Variants in UPRT observed in about 807,000 individuals in gnomAD.
UPRT encodes the protein RP11-311P8.3.
In UPRT, 5 loss-of-function variants were observed where a neutral mutation model predicts 22.6. The observed-to-expected ratio is 0.22, with a 90% CI of 0.12 to 0.47. The LOEUF is 0.47. UPRT is among the 20% of genes least tolerant of loss of function. The pLI, the probability that UPRT is intolerant of heterozygous loss-of-function variation, is 0.99. For synonymous variants in UPRT, 77 were observed against 87.7 expected (o/e 0.88, Z 0.68); for missense variants, 181 against 239.9 (o/e 0.75, Z 1.62).
chrX:75,211,250 C>T (rs1168799938), intron 4 of UPRT, among the ~76,000 whole-genome samples: 4 of 110,749 alleles, frequency 3.6e-5, no homozygotes, highest in Non-Finnish European at 5.7e-5. Context: ...AGTGAGTACC[C>T]GAATTCCTCC....
intron 3 of UPRT, among the ~76,000 whole-genome samples, chrX:75,165,045 CT>C (rs757316517): frequency 0.041 from 4,162 of 100,433 alleles, 126 homozygotes; most frequent in African/African-American, 0.1. Flanking sequence ...CAACTTAATC[CT>C]TTTTTTTTTT....
At chrX:75,251,896 G>A (rs1311906399) in intron 4 of UPRT, among the ~76,000 whole-genome samples, 2 of 110,117 alleles carry the variant, frequency 1.8e-5, no homozygotes, top group African/African-American at 6.6e-5. Context: ...AGAGCCCTCA[G>A]AAATAATGCC....
intron 4 of UPRT, among the ~76,000 whole-genome samples, chrX:75,189,910 G>C (rs1228336494): frequency 8.9e-6 from 1 of 111,909 alleles, no homozygotes; most frequent in African/African-American, 3.2e-5. Context: ...ATAGCACTCT[G>C]ATGGGTCTTG....
upstream of UPRT, among the ~76,000 whole-genome samples, chrX:75,272,301 T>TATATATAC: frequency 6.2e-5 from 1 of 16,003 alleles, no homozygotes; most frequent in African/African-American, 7.2e-5. Context: ...TATATATGTG[T>TATATATAC]ATATATATGT....
At chrX:75,270,051 T>G (rs1348959287), upstream of UPRT, among the ~76,000 whole-genome samples, 4 of 110,968 alleles carry the variant, frequency 3.6e-5, no homozygotes, top group Non-Finnish European at 7.6e-5. Context: ...CGTAAATAAA[T>G]TTACAAGAAA....
At chrX:75,186,920 G>A (rs1343661096) in intron 4 of UPRT, among the ~76,000 whole-genome samples, 3 of 111,571 alleles carry the variant, frequency 2.7e-5, no homozygotes. Flanking sequence ...GTGTGTCTCT[G>A]CATGTGAGAT....
intron 2 of UPRT, among the ~76,000 whole-genome samples, chrX:75,293,919 C>T (rs778362707): frequency 9.0e-6 from 1 of 111,359 alleles, no homozygotes; most frequent in South Asian, 3.8e-4. Flanking sequence ...TTTACGGCGG[C>T]AGCAGGGGGA....
At chrX:75,268,690 C>T (rs755637951) in intron 4 of UPRT, among the ~76,000 whole-genome samples, 1 of 57,941 alleles carries the variant, frequency 1.7e-5, no homozygotes, top group Non-Finnish European at 4.2e-5. Flanking sequence ...CAGGGAAGGC[C>T]TTTGATAAAA....
At chrX:75,303,337 A>G in intron 6 of UPRT, 68 bp from the exon 7 acceptor site, 2 of 859,960 alleles carry the variant, frequency 2.3e-6, no homozygotes, top group Non-Finnish European at 3.4e-6. Flanking sequence ...GGCAATAACT[A>G]CAAAATTCCT....
chrX:75,268,664 A>T (rs2082598234), intron 4 of UPRT, among the ~76,000 whole-genome samples: 1 of 107,108 alleles, frequency 9.3e-6, no homozygotes, highest in Non-Finnish European at 1.9e-5. Context: ...AAACCACATG[A>T]TTATCTCAAC....
At chrX:75,165,403 C>G (rs1022559117) in intron 3 of UPRT, among the ~76,000 whole-genome samples, 2 of 111,680 alleles carry the variant, frequency 1.8e-5, no homozygotes, top group South Asian at 7.5e-4. Context: ...AAAGTCAGAT[C>G]TGCCTTTGGG....
At chrX:75,292,983 C>T (rs1159314757) in intron 1 of UPRT, among the ~76,000 whole-genome samples, 1 of 111,412 alleles carries the variant, frequency 9.0e-6, no homozygotes, top group African/African-American at 3.3e-5. Flanking sequence ...AAAGCAGTAG[C>T]AAAAGCAGAG....
chrX:75,256,652 T>A (rs2082550677), intron 4 of UPRT, among the ~76,000 whole-genome samples: 1 of 109,650 alleles, frequency 9.1e-6, no homozygotes, highest in African/African-American at 3.3e-5. Context: ...AAAGAGAAAA[T>A]CCAAATAAAC....
chrX:75,294,934 A>G (rs1481700156), intron 2 of UPRT, among the ~76,000 whole-genome samples: 1 of 111,464 alleles, frequency 9.0e-6, no homozygotes, highest in African/African-American at 3.3e-5. Flanking sequence ...GGGCAAGCAT[A>G]ATCTTAGCCC....
rs180950514 is a variant in UPRT at position 75,229,975 on chromosome X, A to T, written c.-446-61049A>T. Among the ~76,000 whole-genome samples, 18 of 112,308 alleles carry T rather than the reference A, an allele frequency of 1.6e-4. No homozygotes were observed. The East Asian group carries it at 4.8e-3, about 30-fold the overall frequency. On this transcript the variant is annotated intron_variant, in intron 4 of 13. Coordinates refer to the UPRT transcript ENST00000652605. ...AGGCAGGTGGTGAGGTGAAGCCTGA[A>T]AGCCCTGCTTGCTTTCTCAGCAAGG...
chrX:75,180,434 G>A (rs1289020189), intron 4 of UPRT, among the ~76,000 whole-genome samples: 1 of 111,934 alleles, frequency 8.9e-6, no homozygotes, highest in African/African-American at 3.3e-5. Context: ...GTATTTGAGG[G>A]TAGACGATCC....
intron 4 of UPRT, among the ~76,000 whole-genome samples, chrX:75,205,867 T>C (rs957329979): frequency 9.0e-6 from 1 of 111,629 alleles, no homozygotes; most frequent in South Asian, 3.8e-4. Flanking sequence ...TTCTGGAGGA[T>C]AAAATGGCAT....
intron 4 of UPRT, among the ~76,000 whole-genome samples, chrX:75,197,194 A>C (rs1483339821): frequency 8.9e-6 from 1 of 111,750 alleles, no homozygotes; most frequent in Non-Finnish European, 1.9e-5. Context: ...ACCACCTCCA[A>C]ATTTACAATA....
intron 4 of UPRT, among the ~76,000 whole-genome samples, chrX:75,247,166 G>A (rs2082509608): frequency 9.0e-6 from 1 of 111,425 alleles, no homozygotes; most frequent in African/African-American, 3.3e-5. Context: ...CACAGAAGAT[G>A]GGTGATTTCT....
Sources: gnomAD v4.1 joint callset for allele counts (sites outside exome capture counted in the v4.1 genomes callset) on GRCh38, gnomAD v4.1.1 for gene constraint, MANE v1.5 for transcripts, NCBI Gene and HGNC (gene_info 2026-07-23, HGNC 2026-07-21) for gene names.